ISM2: variants seen among roughly 807,000 people sequenced by gnomAD.
ISM2 encodes isthmin-2.
Under a neutral mutation model 58.0 loss-of-function variants are expected in ISM2, and 50 were observed. The ratio of observed to expected loss-of-function variants is 0.86; its 90% CI spans 0.69 to 1.09. The LOEUF (loss-of-function observed/expected upper bound fraction) is 1.09. Among genes scored for constraint, ISM2 ranks in the 50% least tolerant of loss-of-function variants. The pLI is 0.00. For synonymous variants in ISM2, 303 were observed against 312.4 expected (o/e 0.97, Z 0.32); for missense variants, 723 against 745.0 (o/e 0.97, Z 0.34).
chr14:77,477,303 C>T (rs1410961246), intron 6 of ISM2, among the ~76,000 whole-genome samples: 2 of 152,136 alleles, frequency 1.3e-5, no homozygotes, highest in East Asian at 3.9e-4. Flanking sequence ...CCCTTCTGTG[C>T]CCTCATCCTA....
chr14:77,481,068 G>A (rs956010991), intron 4 of ISM2, among the ~76,000 whole-genome samples: 6 of 151,976 alleles, frequency 3.9e-5, no homozygotes, highest in African/African-American at 9.6e-5. Flanking sequence ...GGCCGGGCAC[G>A]GTGGCTCATG....
intron 1 of ISM2, among the ~76,000 whole-genome samples, chr14:77,493,240 C>T (rs1200136283): frequency 6.6e-6 from 1 of 152,138 alleles, no homozygotes; most frequent in Admixed American, 6.6e-5. Flanking sequence ...AAGTGATCCA[C>T]CTGCCTTGGC....
intron 1 of ISM2, among the ~76,000 whole-genome samples, chr14:77,497,172 G>A (rs912204167): frequency 2.5e-4 from 38 of 151,128 alleles, no homozygotes; most frequent in South Asian, 2.1e-4. Context: ...GCTCAAGACC[G>A]GCCTGGCCAA....
chr14:77,482,789 C>T (rs960987268), intron 3 of ISM2, 122 bp from the exon 4 acceptor site: 2 of 628,436 alleles, frequency 3.2e-6, no homozygotes, highest in Admixed American at 3.0e-5. Flanking sequence ...AACCAGCTGT[C>T]TTCTCTTGGC....
Position 77,484,806 on chromosome 14 carries a change from C to A in ISM2, c.255G>T (p.Glu85Asp). 1.2e-6 allele frequency: 2 copies of A among 1,611,078 alleles called. No individual in the cohort carries two copies. Among genetic ancestry groups the A allele is most frequent in the Non-Finnish European group, 1.7e-6 (2 of 1,179,292 alleles). ...CGTTGCCTGGGGTCATGGCTGCTGG[C>A]TCAGTGACAGTCCAGCATCCATGTT... ...PHQHGCWTVT[E>D]PAAMTPGNAT... The change falls in exon 2 of 7, where the codon GAG becomes GAT. Residue 85 changes from glutamate to aspartate, a missense_variant. Glu to Asp is a conservative substitution (Grantham distance 45). Coordinates refer to ENST00000342219, the MANE Select transcript of ISM2 (RefSeq NM_199296.3).
rs949207582 is a variant in ISM2, at chr14:77,482,770, T to G, written c.628-103A>C. ...AGGGTCAGAGGTGAGAGGCCCAACC[T>G]TTCCTTCAAACCAGCTGTCTTCTCT... On this transcript the variant is annotated intron_variant, in intron 3 of 6. Transcript: ENST00000342219. 2.1e-5 allele frequency: 15 copies of G among 706,138 alleles called. No individual in the cohort carries two copies. The Admixed American group carries it at 3.8e-4, about 18-fold the overall frequency. The allele number at this position is 706,138 out of a possible 1,614,324, so 43.7% of individuals were successfully genotyped here. A position where few individuals can be genotyped will look rare whatever the true frequency, so the allele number is the denominator to read the frequency against.
chr14:77,490,297 A>G (rs2079195134), intron 1 of ISM2, among the ~76,000 whole-genome samples: 1 of 152,378 alleles, frequency 6.6e-6, no homozygotes, highest in South Asian at 2.1e-4. Context: ...GCACCCGGCC[A>G]AGAAGCCCAA....
intron 4 of ISM2, among the ~76,000 whole-genome samples, chr14:77,481,107 A>G (rs1411308585): frequency 6.6e-6 from 1 of 152,026 alleles, no homozygotes; most frequent in African/African-American, 2.4e-5. Context: ...TGGGAGGCCA[A>G]GGCAGGCAGA....
chr14:77,494,119 G>A (rs2079224766), intron 1 of ISM2, among the ~76,000 whole-genome samples: 1 of 152,098 alleles, frequency 6.6e-6, no homozygotes, highest in East Asian at 1.9e-4. Context: ...ACTAGAACAT[G>A]ACATGCAAAG....
Position 77,484,662 on chromosome 14 carries a change from T to C in ISM2, c.384+15A>G, listed in dbSNP as rs1358776947. ...AGGCAGAGCCAGGAGCTGCTGGCCCTTCTGTAGCTCTCACCTGGGTATCAG... is the reference window on the plus strand; with the variant it reads ...AGGCAGAGCCAGGAGCTGCTGGCCCCTCTGTAGCTCTCACCTGGGTATCAG... On this transcript the variant is annotated intron_variant, in intron 2 of 6. Transcript: ENST00000342219. 6.2e-7 allele frequency: 1 copy of C among 1,610,512 alleles called. No homozygotes were observed. Among genetic ancestry groups the C allele is most frequent in the Admixed American group, 1.7e-5 (1 of 59,546 alleles).
At chr14:77,498,150 T>TCTCA in intron 1 of ISM2, 3 of 783,640 alleles carry the variant, frequency 3.8e-6, no homozygotes, top group Non-Finnish European at 5.4e-6. Context: ...ACAGAGCCAG[T>TCTCA]CTCAGGCTGG....
intron 1 of ISM2, among the ~76,000 whole-genome samples, chr14:77,492,830 A>G (rs2139971961): frequency 6.6e-6 from 1 of 152,216 alleles, no homozygotes; most frequent in African/African-American, 2.4e-5. Flanking sequence ...CAACATAGCT[A>G]CTAAAAATAC....
At position 77,496,463 on chromosome 14, in the gene ISM2, G is replaced by C. The variant is rs537656882; in HGVS notation, c.141+2190C>G. 1.1e-3 allele frequency among the ~76,000 whole-genome samples: 167 copies of C among 150,392 alleles called. 2 individuals carry two copies. Among genetic ancestry groups the C allele is most frequent in the Non-Finnish European group, 2.1e-3 (139 of 67,800 alleles). ...AGATCACGCCATTGCACTCCAGTCT[G>C]GGCAACAAGAGCAAAACTCCGTCTC... is the stretch of plus-strand genomic sequence containing the variant. On this transcript the variant is annotated intron_variant, in intron 1 of 6. Coordinates refer to ENST00000342219, the MANE Select transcript of ISM2 (RefSeq NM_199296.3).
intron 1 of ISM2, among the ~76,000 whole-genome samples, chr14:77,491,862 A>C (rs1314385215): frequency 1.3e-5 from 2 of 148,582 alleles, no homozygotes; most frequent in African/African-American, 2.5e-5. Context: ...AGCCCTGCTA[A>C]TTTTTGTATT....
At chr14:77,477,121 C>T (rs1016493316) in intron 6 of ISM2, among the ~76,000 whole-genome samples, 1 of 152,144 alleles carries the variant, frequency 6.6e-6, no homozygotes, top group Non-Finnish European at 1.5e-5. Flanking sequence ...CCAGACTCAC[C>T]AGAGCCCTGC....
intron 1 of ISM2, among the ~76,000 whole-genome samples, chr14:77,494,019 C>T (rs543898437): frequency 3.3e-5 from 5 of 152,038 alleles, no homozygotes; most frequent in East Asian, 1.9e-4. Context: ...TCTTGTGATC[C>T]GCCCGCCTCG....
At chr14:77,488,892 T>C (rs1242988644) in intron 1 of ISM2, among the ~76,000 whole-genome samples, 1 of 152,154 alleles carries the variant, frequency 6.6e-6, no homozygotes, top group Non-Finnish European at 1.5e-5. Flanking sequence ...AGAACTCCAG[T>C]CCTGTCTCAC....
At chr14:77,479,489 T>C (rs1196091576) in intron 4 of ISM2, among the ~76,000 whole-genome samples, 1 of 151,620 alleles carries the variant, frequency 6.6e-6, no homozygotes, top group Non-Finnish European at 1.5e-5. Flanking sequence ...GTTCAAGCAA[T>C]ACTCCTGCCT....
In ISM2 at chr14:77,484,843, G is replaced by A. The variant is rs767324835; in HGVS notation, c.218C>T (p.Ala73Val). The change falls in exon 2 of 7, where the codon GCA (alanine) becomes GTA (valine). Residue 73 changes from alanine (A) to valine (V), a missense_variant. By Grantham distance (64) the Ala-to-Val change is moderately conservative. Coordinates refer to ENST00000342219, the MANE Select transcript of ISM2 (RefSeq NM_199296.3). ...CCAGCATCCATGTTGGTGTGGCTCT[G>A]CCTGCAGGTGGGTTCTGGGGAGCAG... is the stretch of plus-strand genomic sequence containing the variant. ...APLLPRTHLQ[A>V]EPHQHGCWTV... 2 of 1,607,032 alleles carry A rather than the reference G, an allele frequency of 1.2e-6. No homozygotes were observed. The highest frequency in any genetic ancestry group is 1.7e-6 in the Non-Finnish European group (2 of 1,176,768).
Sources: gnomAD v4.1 joint callset for allele counts (sites outside exome capture counted in the v4.1 genomes callset) on GRCh38, gnomAD v4.1.1 for gene constraint, MANE v1.5 for transcripts, NCBI Gene and HGNC (gene_info 2026-07-23, HGNC 2026-07-21) for gene names.